Variants in TMEM74 observed in about 807,000 individuals in gnomAD.
TMEM74 encodes transmembrane protein 74.
TMEM74 carries 13 observed loss-of-function variants against 18.1 expected under a neutral mutation model. The ratio of observed to expected loss-of-function variants is 0.72; its 90% confidence interval spans 0.47 to 1.14. The LOEUF (loss-of-function observed/expected upper bound fraction) is 1.14, where lower values mean the gene tolerates loss of function less well. Ranked by LOEUF, TMEM74 falls within the 50% of genes most tolerant of loss-of-function variation. The probability of loss-of-function intolerance (pLI) is 0.00; values close to 1 mark genes in which losing one functional copy is unlikely to be tolerated. For missense variants in TMEM74, 372 were observed against 375.9 expected (o/e 0.99, Z 0.09); for synonymous variants, 159 against 146.6 (o/e 1.08, Z -0.61).
intron 1 of TMEM74, among the ~76,000 whole-genome samples, chr8:108,747,672 AC>A (rs1284690234): frequency 6.6e-6 from 1 of 152,084 alleles, no homozygotes; most frequent in African/African-American, 2.4e-5. Context: ...GGTGTTAAGC[AC>A]AGCATCCATT....
At chr8:108,760,375 A>G (rs1814030331) in intron 1 of TMEM74, among the ~76,000 whole-genome samples, 1 of 152,112 alleles carries the variant, frequency 6.6e-6, no homozygotes, top group Non-Finnish European at 1.5e-5. Flanking sequence ...GCACCAGGGT[A>G]GCAATGCGCG....
intron 2 of TMEM74, among the ~76,000 whole-genome samples, chr8:108,625,213 G>A (rs964915384): frequency 6.6e-6 from 1 of 152,004 alleles, no homozygotes; most frequent in African/African-American, 2.4e-5. Flanking sequence ...GGAACACACA[G>A]ATTTTAAACT....
intron 3 of TMEM74, among the ~76,000 whole-genome samples, chr8:108,608,182 G>A (rs1812297425): frequency 6.6e-6 from 1 of 151,632 alleles, no homozygotes; most frequent in Non-Finnish European, 1.5e-5. Context: ...CGTGCCTGTA[G>A]TCCCGGCTAT....
intron 1 of TMEM74, among the ~76,000 whole-genome samples, chr8:108,708,809 C>CAAAAAAAAAAAAAAA (rs71564016): frequency 5.6e-5 from 1 of 17,942 alleles, no homozygotes; most frequent in Non-Finnish European, 8.4e-5. Context: ...AACTCAATAG[C>CAAAAAAAAAAAAAAA]AAAAAAAAAA....
chr8:108,637,104 G>C (rs185952989), intron 2 of TMEM74, among the ~76,000 whole-genome samples: 4 of 152,040 alleles, frequency 2.6e-5, no homozygotes, highest in Non-Finnish European at 4.4e-5. Flanking sequence ...CTTGACAAGC[G>C]AAAGTTCAAG....
intron 1 of TMEM74, among the ~76,000 whole-genome samples, chr8:108,669,762 GCA>G (rs1382399663): frequency 6.6e-6 from 1 of 152,146 alleles, no homozygotes; most frequent in African/African-American, 2.4e-5. Flanking sequence ...ATGGGGCCAG[GCA>G]TGGTGGCTCA....
intron 1 of TMEM74, among the ~76,000 whole-genome samples, chr8:108,740,900 ATTGT>A (rs750780880): frequency 8.5e-5 from 13 of 152,338 alleles, no homozygotes; most frequent in South Asian, 2.1e-4. Flanking sequence ...TCACAGTGTC[ATTGT>A]TTGTATTGGA....
chr8:108,765,993 C>T (rs977005377), intron 1 of TMEM74, among the ~76,000 whole-genome samples: 3 of 151,958 alleles, frequency 2.0e-5, no homozygotes, highest in Non-Finnish European at 4.4e-5. Flanking sequence ...AAAAGTATAT[C>T]GGCAGATTAT....
At chr8:108,736,562 G>A (rs944361625) in intron 1 of TMEM74, among the ~76,000 whole-genome samples, 5 of 151,962 alleles carry the variant, frequency 3.3e-5, no homozygotes, top group African/African-American at 9.7e-5. Flanking sequence ...ACATACACAT[G>A]TGAAACATTC....
At chr8:108,725,459 G>T (rs766875238) in intron 1 of TMEM74, among the ~76,000 whole-genome samples, 1 of 152,082 alleles carries the variant, frequency 6.6e-6, no homozygotes, top group African/African-American at 2.4e-5. Context: ...ATTCTTTTTA[G>T]TTTTCTTCCC....
intron 1 of TMEM74, among the ~76,000 whole-genome samples, chr8:108,724,278 T>TG (rs1813612513): frequency 6.6e-6 from 1 of 152,220 alleles, no homozygotes. Flanking sequence ...TTCCAGTTAC[T>TG]GGTTTATAGG....
rs137903266 is a variant in TMEM74 at position 108,617,185 on chromosome 8, G to A, written n.265-8359C>T. ...ATTGCGAAAAGAATTTCATGCAAAC[G>A]CAAGCAGATGCAAAGGCCCTGAAGT... On this transcript the variant is annotated intron_variant and non_coding_transcript_variant, in intron 2 of 3. Transcript: ENST00000518838. 3.0e-3 allele frequency among the ~76,000 whole-genome samples: 449 copies of A among 151,762 alleles called. 4 individuals carry two copies. Among genetic ancestry groups the A allele is most frequent in the Non-Finnish European group, 3.6e-3 (244 of 67,962 alleles).
intron 1 of TMEM74, among the ~76,000 whole-genome samples, chr8:108,697,627 G>A (rs1813293437): frequency 6.6e-6 from 1 of 152,022 alleles, no homozygotes; most frequent in Non-Finnish European, 1.5e-5. Flanking sequence ...ATGTTGTCCA[G>A]GCTGGTCTCA....
chr8:108,689,160 T>G (rs1813200244), intron 1 of TMEM74, among the ~76,000 whole-genome samples: 2 of 152,258 alleles, frequency 1.3e-5, no homozygotes. Context: ...ATGCATCTGA[T>G]AAGTCCTGCA....
chr8:108,717,864 G>A (rs1280751295), intron 1 of TMEM74, among the ~76,000 whole-genome samples: 1 of 151,096 alleles, frequency 6.6e-6, no homozygotes, highest in African/African-American at 2.4e-5. Flanking sequence ...ACCTTCAGGG[G>A]CATTTTAAGG....
downstream of TMEM74, among the ~76,000 whole-genome samples, chr8:108,777,464 G>A (rs1386671287): frequency 6.6e-6 from 1 of 152,134 alleles, no homozygotes; most frequent in East Asian, 1.9e-4. Context: ...ATGGCTGTGA[G>A]TTGATAGTTT....
chr8:108,730,873 C>T (rs969258796), intron 1 of TMEM74, among the ~76,000 whole-genome samples: 3 of 151,964 alleles, frequency 2.0e-5, no homozygotes, highest in South Asian at 4.2e-4. Context: ...CCTTGTGATC[C>T]GCCCGCCTCG....
At chr8:108,633,096 C>G (rs1358419147) in intron 2 of TMEM74, among the ~76,000 whole-genome samples, 5 of 151,916 alleles carry the variant, frequency 3.3e-5, no homozygotes, top group Non-Finnish European at 4.4e-5. Flanking sequence ...AACCTCAAGC[C>G]TTGGTTGTTT....
Position 108,690,119 on chromosome 8 carries a change from A to G in TMEM74, n.120-34682T>C, listed in dbSNP as rs573644763. ...ACTGAGTAGGACTACACACATATGT[A>G]TGTAGTGCTACTCAGTCTTGAGTCA... On this transcript the variant is annotated intron_variant and non_coding_transcript_variant, in intron 1 of 3. Coordinates refer to the TMEM74 transcript ENST00000518838. Among the ~76,000 whole-genome samples, 89 of 152,192 alleles carry G rather than the reference A, an allele frequency of 5.8e-4. 1 individual carries two copies. Among genetic ancestry groups the G allele is most frequent in the African/African-American group, 2.1e-3 (87 of 41,536 alleles).
Sources: gnomAD v4.1 joint callset for allele counts (sites outside exome capture counted in the v4.1 genomes callset) on GRCh38, gnomAD v4.1.1 for gene constraint, MANE v1.5 for transcripts, NCBI Gene and HGNC (gene_info 2026-07-23, HGNC 2026-07-21) for gene names.